PLXNA2: variants seen among roughly 807,000 people sequenced by gnomAD.
The protein encoded by PLXNA2 is plexin-A2.
PLXNA2 carries 91 observed loss-of-function variants against 193.5 expected under a neutral mutation model. The observed-to-expected ratio is 0.47, with a 90% CI of 0.40 to 0.56. The LOEUF is 0.56. PLXNA2 is among the 20% of genes least tolerant of loss of function. The probability of loss-of-function intolerance (pLI) is 0.00; values close to 1 mark genes in which losing one functional copy is unlikely to be tolerated. For missense variants in PLXNA2, 1,995 were observed against 2,503.2 expected, an observed-to-expected ratio of 0.80 and a Z score of 4.33; for synonymous variants, 997 against 1,027.3, an observed-to-expected ratio of 0.97 and a Z score of 0.56.
intron 12 of PLXNA2, among the ~76,000 whole-genome samples, chr1:208,063,419 G>A (rs1665679224): frequency 6.6e-6 from 1 of 152,220 alleles, no homozygotes; most frequent in Admixed American, 6.5e-5. Flanking sequence ...GCTGCTCAGA[G>A]GCATAATTCA....
chr1:208,027,060 C>T lies in PLXNA2; in HGVS notation c.*183G>A. 1.8e-6 allele frequency: 1 copy of T among 546,264 alleles called. No homozygotes were observed. Among genetic ancestry groups the T allele is most frequent in the South Asian group, 2.3e-5 (1 of 42,626 alleles). The allele number at this position is 546,264 out of a possible 1,614,324, so 33.8% of individuals were successfully genotyped here. A position where few individuals can be genotyped will look rare whatever the true frequency, so the allele number is the denominator to read the frequency against. ...GGACGACGCCCACTGTCTCTCCCAG[C>T]TGGAACTGGCTATGACGAAACTTGG... is the stretch of plus-strand genomic sequence containing the variant. On this transcript the variant is annotated 3_prime_UTR_variant, in exon 32 of 32. Transcript: ENST00000367033.
intron 3 of PLXNA2, among the ~76,000 whole-genome samples, chr1:208,195,443 G>T (rs1185036780): frequency 6.6e-6 from 1 of 152,130 alleles, no homozygotes; most frequent in African/African-American, 2.4e-5. Context: ...GCTTGTACAA[G>T]ACTCCACCAA....
At chr1:208,036,940 G>A (rs980206499) in intron 26 of PLXNA2, among the ~76,000 whole-genome samples, 3 of 152,098 alleles carry the variant, frequency 2.0e-5, no homozygotes, top group South Asian at 2.1e-4. Flanking sequence ...TGATTTGGGG[G>A]CATCATGCTA....
chr1:208,200,582 T>A (rs1336877534), intron 3 of PLXNA2, among the ~76,000 whole-genome samples: 12 of 142,336 alleles, frequency 8.4e-5, no homozygotes, highest in Non-Finnish European at 1.5e-4. Flanking sequence ...TCCTTCTTTT[T>A]TTTTTTTTTT....
chr1:208,059,110 G>A (rs573333077), intron 13 of PLXNA2, among the ~76,000 whole-genome samples: 8 of 152,298 alleles, frequency 5.3e-5, no homozygotes, highest in Admixed American at 5.2e-4. Flanking sequence ...GGTCCTTGAG[G>A]TTGAGGTGGA....
At position 208,096,816 on chromosome 1, in the gene PLXNA2, G is replaced by A. The variant is rs1666911979; in HGVS notation, c.1799C>T (p.Thr600Ile). Reference protein sequence around the residue: ...AGIACAFGNLTEVEGQVSGSQ... With the variant: ...AGIACAFGNLIEVEGQVSGSQ... ...CCCGGACACCTGCCCCTCCACCTCT[G>A]TCAGGTTCCCAAAGGCACAGGCGAT... The change falls in exon 7 of 32, where the codon ACA becomes ATA. Residue 600 changes from threonine (T) to isoleucine (I), a missense_variant. Thr to Ile is a moderately conservative substitution (Grantham distance 89, BLOSUM62 -1). Coordinates refer to ENST00000367033, the MANE Select transcript of PLXNA2 (RefSeq NM_025179.4). 1.2e-6 allele frequency: 2 copies of A among 1,614,004 alleles called. No individual in the cohort carries two copies. Among genetic ancestry groups the A allele is most frequent in the Non-Finnish European group, 1.7e-6 (2 of 1,180,020 alleles).
intron 3 of PLXNA2, among the ~76,000 whole-genome samples, chr1:208,157,105 T>C (rs1300497321): frequency 1.3e-5 from 2 of 152,216 alleles, no homozygotes; most frequent in Non-Finnish European, 2.9e-5. Context: ...TTACAGAATG[T>C]AATGTCTGGG....
At position 208,044,812 on chromosome 1, in the gene PLXNA2, CT is replaced by C. The variant is rs1226811985; in HGVS notation, c.3640-71del. 4.7e-6 allele frequency: 6 copies of C among 1,266,004 alleles called. No homozygotes were observed. The highest frequency in any genetic ancestry group is 5.6e-6 in the Non-Finnish European group (5 of 887,152). 78.4% of individuals were successfully genotyped at this position (1,266,004 alleles called of 1,614,324 possible). On this transcript the variant is annotated intron_variant, in intron 19 of 31. Coordinates refer to ENST00000367033, the MANE Select transcript of PLXNA2 (RefSeq NM_025179.4). This position sits in a 1 kb window ranked among gnomAD's most constrained non-coding sequence, Gnocchi z 4.9. Reference sequence around the variant, plus strand: ...TAGAGCCCGGGCATGCCAGCAGATCCTTACAGTGCGAGGAAGGACATGACAG... The same window carrying C: ...TAGAGCCCGGGCATGCCAGCAGATCCTACAGTGCGAGGAAGGACATGACAG...
intron 3 of PLXNA2, among the ~76,000 whole-genome samples, chr1:208,154,488 C>T (rs1668877256): frequency 6.6e-6 from 1 of 152,122 alleles, no homozygotes; most frequent in Admixed American, 6.5e-5. Context: ...ATCATCGCAC[C>T]CAAAAAGTGG....
rs545116376 is a variant in PLXNA2, at chr1:208,204,633, A to G, written c.1371+5647T>C. Among the ~76,000 whole-genome samples, 5 of 152,276 alleles carry G rather than the reference A, an allele frequency of 3.3e-5. No homozygotes were observed. In the East Asian group the frequency reaches 9.7e-4, roughly 29 times the overall value. On this transcript the variant is annotated intron_variant, in intron 3 of 31. Transcript: ENST00000367033. ...GTCTGATTCTATTTCAATTCGTACA[A>G]ATAGATGTCTGGCATAGAATAGGCA...
intron 4 of PLXNA2, among the ~76,000 whole-genome samples, chr1:208,119,380 C>T (rs1175150583): frequency 6.6e-6 from 1 of 152,222 alleles, no homozygotes; most frequent in Non-Finnish European, 1.5e-5. Context: ...TGTCCGCAAA[C>T]AGGCCTGTCC....
At chr1:208,097,886 T>A (rs1465740497) in intron 6 of PLXNA2, among the ~76,000 whole-genome samples, 1 of 152,080 alleles carries the variant, frequency 6.6e-6, no homozygotes, top group Non-Finnish European at 1.5e-5. Flanking sequence ...AAATTTTTAG[T>A]AAAGACAGGG....
At chr1:208,033,022 C>T (rs1447965844) in intron 28 of PLXNA2, among the ~76,000 whole-genome samples, 2 of 148,732 alleles carry the variant, frequency 1.3e-5, no homozygotes, top group Non-Finnish European at 3.0e-5. Context: ...ACTGGACTAT[C>T]TCTCTCTCTC....
At chr1:208,119,423 G>T (rs1310255600) in intron 4 of PLXNA2, among the ~76,000 whole-genome samples, 2 of 152,208 alleles carry the variant, frequency 1.3e-5, no homozygotes, top group East Asian at 1.9e-4. Context: ...TCAGGGAGGG[G>T]TGAAGCTCTA....
intron 12 of PLXNA2, among the ~76,000 whole-genome samples, chr1:208,068,630 G>A (rs12092465): frequency 0.014 from 2,152 of 152,282 alleles, 53 homozygotes; most frequent in African/African-American, 0.049. Flanking sequence ...TTCAGCAAAG[G>A]CCTGATTGAT....
chr1:208,215,157 A>G (rs1488028821), intron 2 of PLXNA2, among the ~76,000 whole-genome samples: 1 of 152,092 alleles, frequency 6.6e-6, no homozygotes, highest in African/African-American at 2.4e-5. Flanking sequence ...CACCACACCC[A>G]GCTAATTTTT....
At chr1:208,157,532 C>T (rs774528394) in intron 3 of PLXNA2, among the ~76,000 whole-genome samples, 3 of 152,134 alleles carry the variant, frequency 2.0e-5, no homozygotes, top group Non-Finnish European at 4.4e-5. Flanking sequence ...GTGGATGTTT[C>T]TGAGTGAGGG....
At position 208,125,926 on chromosome 1, in the gene PLXNA2, G is replaced by A. The variant is rs554096910; in HGVS notation, c.1506+16403C>T. Among the ~76,000 whole-genome samples the A allele has an allele frequency of 1.5e-4, 23 of 152,344 alleles. 1 individual carries two copies. In the South Asian group the frequency reaches 4.8e-3, roughly 32 times the overall value. Reference sequence around the variant, plus strand: ...GAGGACTGAATTCACTGTGATTGGGGTGGATTGAGATGGTTTTGAGCTCTG... The same window carrying A: ...GAGGACTGAATTCACTGTGATTGGGATGGATTGAGATGGTTTTGAGCTCTG... On this transcript the variant is annotated intron_variant, in intron 4 of 31. Transcript: ENST00000367033.
chr1:208,133,736 G>A (rs1055305587), intron 4 of PLXNA2, among the ~76,000 whole-genome samples: 1 of 152,216 alleles, frequency 6.6e-6, no homozygotes, highest in Non-Finnish European at 1.5e-5. Context: ...ACTCTTGTCT[G>A]TGCTGAGTGA....
Sources: gnomAD v4.1 joint callset for allele counts (sites outside exome capture counted in the v4.1 genomes callset) on GRCh38, gnomAD v4.1.1 for gene constraint, Gnocchi (gnomAD v3.1) non-coding constraint, MANE v1.5 for transcripts, NCBI Gene and HGNC (gene_info 2026-07-23, HGNC 2026-07-21) for gene names.